The following ASXL1 variants were observed in gnomAD, a reference collection of about 807,000 sequenced individuals.
ASXL1 encodes the protein ASXL transcriptional regulator 1.
Under a neutral mutation model 89.1 loss-of-function variants are expected in ASXL1, and 65 were observed. The observed-to-expected ratio is 0.73, with a 90% CI of 0.60 to 0.90. ASXL1 has a LOEUF of 0.90. ASXL1 is among the 40% of genes least tolerant of loss of function. The pLI is 0.00. For missense variants in ASXL1, 1,786 were observed against 1,942.9 expected, an observed-to-expected ratio of 0.92 and a Z score of 1.52; for synonymous variants, 739 against 746.9, an observed-to-expected ratio of 0.99 and a Z score of 0.17.
intron 3 of ASXL1, 131 bp downstream of exon 3, chr20:32,367,860 G>A: frequency 1.4e-6 from 1 of 719,306 alleles, no homozygotes; most frequent in South Asian, 1.5e-5. Context: ...GTAGACAGAG[G>A]TATAATATGT....
rs747413552 is a variant in ASXL1, at chr20:32,429,475, G to A, written c.565+44G>A. On this transcript the variant is annotated intron_variant, in intron 7 of 12. Transcript: ENST00000375687. This position sits in a 1 kb window ranked among gnomAD's most constrained non-coding sequence, Gnocchi z 4.9. ...TTGTGATGCTTTTTCCTCAGGTCCT[G>A]GGGACCTGGCCTCCCTCTGTCAGCA... is the stretch of plus-strand genomic sequence containing the variant. 1.3e-6 allele frequency: 2 copies of A among 1,569,462 alleles called. No individual in the cohort carries two copies. The highest frequency in any genetic ancestry group is 1.8e-6 in the Non-Finnish European group (2 of 1,139,636).
rs1464069229 is a variant in ASXL1, at chr20:32,358,818, G to A, written c.43G>A (p.Glu15Lys). 1.3e-6 allele frequency: 2 copies of A among 1,503,438 alleles called. No homozygotes were observed. The highest frequency in any genetic ancestry group is 1.8e-6 in the Non-Finnish European group (2 of 1,124,586). The allele number at this position is 1,503,438 out of a possible 1,614,324, so 93.1% of individuals were successfully genotyped here. Residue 15 changes from glutamate (E) to lysine (K), a missense_variant, in exon 1 of 13, where the codon GAG (glutamate) becomes AAG (lysine). Around this residue, in one of 3 missense-constraint regions of ASXL1, gnomAD observed 332 missense variants for 449.7 expected, o/e 0.74. Coordinates refer to ENST00000375687, the MANE Select transcript of ASXL1 (RefSeq NM_015338.6). ...QKKKKERTWA[E>K]AARLVLENYS... ...GAAGAAGAAGGAGCGCACGTGGGCC[G>A]AGGCCGCGCGCCTGGTGAGGCGGAC...
At chr20:32,401,699 G>A (rs2048877663) in intron 4 of ASXL1, among the ~76,000 whole-genome samples, 2 of 152,080 alleles carry the variant, frequency 1.3e-5, no homozygotes, top group African/African-American at 4.8e-5. Flanking sequence ...GGGATTACAG[G>A]TTCGTGTTAC....
chr20:32,408,999 GT>G (rs1321489361), intron 4 of ASXL1, among the ~76,000 whole-genome samples: 1 of 151,312 alleles, frequency 6.6e-6, no homozygotes, highest in African/African-American at 2.4e-5. Flanking sequence ...TTGAGATGGC[GT>G]TTTGCTCTTG....
chr20:32,371,785 G>T, intron 4 of ASXL1: 1 of 449,516 alleles, frequency 2.2e-6, no homozygotes, highest in South Asian at 1.6e-5. Flanking sequence ...TAGAGATGAA[G>T]TCTTGCTATG....
chr20:32,385,294 C>T (rs908934036), intron 4 of ASXL1, among the ~76,000 whole-genome samples: 1 of 152,140 alleles, frequency 6.6e-6, no homozygotes, highest in Non-Finnish European at 1.5e-5. Context: ...GTTTTTAATA[C>T]AGAGAGGACA....
chr20:32,382,439 T>C (rs1291632451), intron 4 of ASXL1, among the ~76,000 whole-genome samples: 6 of 151,952 alleles, frequency 3.9e-5, no homozygotes, highest in African/African-American at 7.3e-5. Flanking sequence ...TTTTTAGATA[T>C]ATTATTCCTG....
rs781704918 is a variant in ASXL1, at chr20:32,437,262, A to C, written c.4550A>C (p.Gln1517Pro). The C allele has an allele frequency of 6.2e-7, 1 of 1,614,140 alleles. No homozygotes were observed. Among genetic ancestry groups the C allele is most frequent in the Non-Finnish European group, 8.5e-7 (1 of 1,180,014 alleles). The change falls in exon 13 of 13, where the codon CAA becomes CCA. Residue 1517 changes from glutamine to proline, a missense_variant. Physicochemically the swap from Gln to Pro is moderately conservative, Grantham distance 76. Around this residue, in one of 3 missense-constraint regions of ASXL1, gnomAD observed 36 missense variants for 65.5 expected, o/e 0.55. Coordinates refer to ENST00000375687, the MANE Select transcript of ASXL1 (RefSeq NM_015338.6). ...ACSLKAMIMC[Q>P]GCGAFCHDDC... is the part of the protein sequence containing the mutation. The stretch of plus-strand genomic sequence containing the variant: ...AGCCTGAAAGCCATGATCATGTGCC[A>C]AGGCTGCGGTGCGTTCTGTCACGAT...
At chr20:32,390,756 C>T (rs1362000559) in intron 4 of ASXL1, among the ~76,000 whole-genome samples, 1 of 152,182 alleles carries the variant, frequency 6.6e-6, no homozygotes, top group African/African-American at 2.4e-5. Context: ...GTTCTCTGTC[C>T]TTGCAGTACT....
intron 4 of ASXL1, among the ~76,000 whole-genome samples, chr20:32,421,034 C>T (rs1197405393): frequency 7.6e-6 from 1 of 131,226 alleles, no homozygotes; most frequent in African/African-American, 3.0e-5. Context: ...CCCATGGACA[C>T]AGGGAGGGAA....
chr20:32,421,450 G>A (rs2123165064), intron 4 of ASXL1, among the ~76,000 whole-genome samples: 1 of 152,024 alleles, frequency 6.6e-6, no homozygotes, highest in African/African-American at 2.4e-5. Context: ...AAGTGCTGTT[G>A]GGAGTATAAT....
intron 4 of ASXL1, among the ~76,000 whole-genome samples, chr20:32,416,603 G>A (rs996708412): frequency 1.3e-5 from 2 of 152,190 alleles, no homozygotes; most frequent in Non-Finnish European, 2.9e-5. Flanking sequence ...CTATGAATAT[G>A]TGCGTTTTTC....
At chr20:32,386,615 G>A (rs1395448451) in intron 4 of ASXL1, among the ~76,000 whole-genome samples, 2 of 151,882 alleles carry the variant, frequency 1.3e-5, no homozygotes, top group East Asian at 1.9e-4. Context: ...ATGGGGTTTC[G>A]CCATGTTGAC....
chr20:32,409,932 T>A (rs1432814685), intron 4 of ASXL1, among the ~76,000 whole-genome samples: 2 of 152,220 alleles, frequency 1.3e-5, no homozygotes, highest in Non-Finnish European at 2.9e-5. Flanking sequence ...TAATTTTTTT[T>A]AAAGTACAGA....
At chr20:32,428,652 C>CTT (rs35966674) in intron 6 of ASXL1, 20,857 of 145,592 alleles carry the variant, frequency 0.14, 4,197 homozygotes, top group Non-Finnish European at 0.18. Flanking sequence ...TTTGTTCATT[C>CTT]TTTTTTTTTT....
intron 1 of ASXL1, among the ~76,000 whole-genome samples, chr20:32,365,402 G>T (rs1278086409): frequency 2.0e-5 from 3 of 152,084 alleles, no homozygotes; most frequent in Non-Finnish European, 4.4e-5. Flanking sequence ...AGTACCTTCC[G>T]CAGCAGACCT....
intron 4 of ASXL1, among the ~76,000 whole-genome samples, chr20:32,379,024 C>G (rs998041366): frequency 2.6e-5 from 4 of 151,106 alleles, no homozygotes; most frequent in Non-Finnish European, 5.9e-5. Context: ...CCCAGCTACT[C>G]GGGAGGCTGA....
At chr20:32,392,605 G>T (rs1239775728) in intron 4 of ASXL1, among the ~76,000 whole-genome samples, 1 of 150,112 alleles carries the variant, frequency 6.7e-6, no homozygotes, top group East Asian at 2.0e-4. Flanking sequence ...GGTAGCCACT[G>T]CTCCCAGCCC....
chr20:32,399,018 T>C (rs1022351209), intron 4 of ASXL1, among the ~76,000 whole-genome samples: 1 of 151,950 alleles, frequency 6.6e-6, no homozygotes, highest in Non-Finnish European at 1.5e-5. Context: ...TGGCCCAGCC[T>C]GGCCAACACA....
Sources: gnomAD v4.1 joint callset for allele counts (sites outside exome capture counted in the v4.1 genomes callset) on GRCh38, gnomAD v4.1.1 for gene constraint, gnomAD v4.1.1 regional missense constraint, Gnocchi (gnomAD v3.1) non-coding constraint, MANE v1.5 for transcripts, NCBI Gene and HGNC (gene_info 2026-07-23, HGNC 2026-07-21) for gene names.